SASH1: variants seen among roughly 807,000 people sequenced by gnomAD.
SASH1 encodes SAM and SH3 domain-containing protein 1.
Under a neutral mutation model 125.2 loss-of-function variants are expected in SASH1, and 44 were observed. The ratio of observed to expected loss-of-function variants is 0.35; its 90% CI spans 0.28 to 0.45. SASH1 has a LOEUF of 0.45. Ranked by LOEUF, SASH1 falls within the 20% of genes least tolerant of loss-of-function variation. The pLI is 1.00. For synonymous variants in SASH1, 639 were observed against 649.1 expected (o/e 0.98, Z 0.24); for missense variants, 1,426 against 1,614.5 (o/e 0.88, Z 2.00).
Position 148,537,949 on chromosome 6 carries a change from A to G in SASH1, c.2096-2494A>G, listed in dbSNP as rs190594296. On this transcript the variant is annotated intron_variant, in intron 16 of 19. Transcript: ENST00000367467. Reference sequence around the variant, plus strand: ...CAACCTAGCACTTTGCTGTGATTTGACTGTGAGAATTTTCAGCGTTCTAGC... The same window carrying G: ...CAACCTAGCACTTTGCTGTGATTTGGCTGTGAGAATTTTCAGCGTTCTAGC... 9.9e-5 allele frequency among the ~76,000 whole-genome samples: 15 copies of G among 152,122 alleles called. No individual in the cohort carries two copies. The East Asian group carries it at 1.2e-3, about 12-fold the overall frequency.
chr6:148,285,938 AG>A (rs1779470271), intron 1 of SASH1, among the ~76,000 whole-genome samples: 1 of 137,674 alleles, frequency 7.3e-6, no homozygotes, highest in African/African-American at 2.7e-5. Context: ...TAAGCATTAA[AG>A]ATTGAAGTTT....
the SASH1 span, among the ~76,000 whole-genome samples, chr6:148,205,974 CT>C: frequency 6.6e-6 from 1 of 152,164 alleles, no homozygotes; most frequent in Non-Finnish European, 1.5e-5. Flanking sequence ...TAGGAATAGG[CT>C]GCCTTATGAT....
rs768026203 is a variant in SASH1, at chr6:148,531,648, G to A, written c.1551G>A (p.Gly517=). 1 of 1,543,574 alleles carries A rather than the reference G, an allele frequency of 6.5e-7. No individual in the cohort carries two copies. Among genetic ancestry groups the A allele is most frequent in the Non-Finnish European group, 8.7e-7 (1 of 1,146,158 alleles). Residue 517 remains glycine, a synonymous_variant, in exon 13 of 20, where the codon GGG becomes GGA. Transcript: ENST00000367467. ...AAAGTCTTCGCAGTTCTCTCAGTGG[G>A]CAGAGCTCCATGAGTAAGTCGAGTT... is the stretch of plus-strand genomic sequence containing the variant. The part of the protein sequence containing the change: ...SVESLRSSLS[G]QSSMSGQTVS...
chr6:148,446,117 T>TTTC, intron 4 of SASH1, among the ~76,000 whole-genome samples: 2 of 39,934 alleles, frequency 5.0e-5, no homozygotes, highest in African/African-American at 2.5e-4. Flanking sequence ...TTTTTTTTTT[T>TTTC]TTTTTTTTTG....
intron 2 of SASH1, among the ~76,000 whole-genome samples, chr6:148,417,226 G>A (rs1784856821): frequency 6.6e-6 from 1 of 152,194 alleles, no homozygotes; most frequent in African/African-American, 2.4e-5. Flanking sequence ...GGAAGCTAAA[G>A]GAAGCCTGTT....
intron 1 of SASH1, among the ~76,000 whole-genome samples, chr6:148,387,542 CT>C (rs1356788627): frequency 5.2e-5 from 7 of 134,150 alleles, no homozygotes; most frequent in African/African-American, 2.0e-4. Flanking sequence ...TTCTTTCTTT[CT>C]TTTCTTTTCC....
the SASH1 span, among the ~76,000 whole-genome samples, chr6:148,251,629 T>C: frequency 6.6e-6 from 1 of 152,114 alleles, no homozygotes; most frequent in Non-Finnish European, 1.5e-5. Flanking sequence ...GCAGCTAGTA[T>C]GAAGAATCAT....
At chr6:148,377,233 C>A (rs1166943042) in intron 1 of SASH1, among the ~76,000 whole-genome samples, 2 of 137,238 alleles carry the variant, frequency 1.5e-5, no homozygotes, top group East Asian at 4.6e-4. Context: ...CAAAAAAAAA[C>A]ACAAAAGATG....
At chr6:148,462,731 T>A in intron 4 of SASH1, among the ~76,000 whole-genome samples, 1 of 152,308 alleles carries the variant, frequency 6.6e-6, no homozygotes, top group Non-Finnish European at 1.5e-5. Context: ...GGTATCCCCT[T>A]TCTGTCTATC....
intron 7 of SASH1, chr6:148,480,546 C>T (rs1029642219): frequency 1.3e-5 from 2 of 152,110 alleles, no homozygotes; most frequent in African/African-American, 4.8e-5. Context: ...TCAGTGATTA[C>T]AGGACATCTC....
intron 12 of SASH1, among the ~76,000 whole-genome samples, chr6:148,528,516 C>T (rs946516009): frequency 6.6e-6 from 1 of 152,244 alleles, no homozygotes; most frequent in Admixed American, 6.5e-5. Context: ...CCGAACGTCA[C>T]CAGCCTGCCA....
At chr6:148,395,520 CAG>C (rs760638042) in intron 2 of SASH1, among the ~76,000 whole-genome samples, 3 of 152,124 alleles carry the variant, frequency 2.0e-5, no homozygotes, top group Non-Finnish European at 4.4e-5. Context: ...GTGAAGACAA[CAG>C]AGAGTACAGA....
At chr6:148,241,916 TA>T in the SASH1 span, among the ~76,000 whole-genome samples, 6 of 152,228 alleles carry the variant, frequency 3.9e-5, no homozygotes, top group Non-Finnish European at 5.9e-5. Flanking sequence ...CACTAAATGT[TA>T]AATGTTATTT....
At chr6:148,289,846 GT>G (rs869173042) in intron 1 of SASH1, among the ~76,000 whole-genome samples, 2 of 144,146 alleles carry the variant, frequency 1.4e-5, no homozygotes, top group South Asian at 2.3e-4. Flanking sequence ...GAGGAAAATG[GT>G]TTTTTTTGGT....
chr6:148,475,234 T>C (rs143805404), intron 7 of SASH1, among the ~76,000 whole-genome samples: 113 of 152,294 alleles, frequency 7.4e-4, no homozygotes, highest in African/African-American at 2.6e-3. Flanking sequence ...AAGGAACCAT[T>C]GAATGAGTTA....
chr6:148,471,547 A>G (rs1258488175), intron 6 of SASH1, 44 bp downstream of exon 6: 2 of 1,152,412 alleles, frequency 1.7e-6, no homozygotes, highest in Admixed American at 1.8e-5. Context: ...TTTAGCTCTA[A>G]CATGGGAAGA....
intron 1 of SASH1, among the ~76,000 whole-genome samples, chr6:148,300,031 C>T (rs1291724232): frequency 6.6e-6 from 1 of 152,180 alleles, no homozygotes; most frequent in Non-Finnish European, 1.5e-5. Flanking sequence ...TCCCATTCTA[C>T]ACTTGAGAGG....
the SASH1 span, among the ~76,000 whole-genome samples, chr6:148,227,929 T>C: frequency 3.9e-5 from 6 of 152,088 alleles, no homozygotes; most frequent in African/African-American, 1.4e-4. Context: ...AAAACACAGC[T>C]GGAAAAACAC....
chr6:148,487,824 C>G lies in SASH1; in HGVS notation c.729+109C>G. The stretch of plus-strand genomic sequence containing the variant: ...CGAAACTTCCGACTCGCACCTGGGT[C>G]TGCAAAGAGGTGTCTGTTCATATAG... On this transcript the variant is annotated intron_variant, in intron 8 of 19. Coordinates refer to ENST00000367467, the MANE Select transcript of SASH1 (RefSeq NM_015278.5). The G allele has an allele frequency of 5.7e-6, 4 of 704,638 alleles. No homozygotes were observed. The Admixed American group carries it at 7.4e-5, about 13-fold the overall frequency. 43.6% of individuals were successfully genotyped at this position (704,638 alleles called of 1,614,324 possible). A position where few individuals can be genotyped will look rare whatever the true frequency, so the allele number is the denominator to read the frequency against.
Sources: gnomAD v4.1 joint callset for allele counts (sites outside exome capture counted in the v4.1 genomes callset) on GRCh38, gnomAD v4.1.1 for gene constraint, MANE v1.5 for transcripts, NCBI Gene and HGNC (gene_info 2026-07-23, HGNC 2026-07-21) for gene names.